LDB1: variants seen among roughly 807,000 people sequenced by gnomAD.
LDB1 encodes LIM domain binding 1, also known as LIM domain-binding protein 1.
Under a neutral mutation model 49.7 loss-of-function variants are expected in LDB1, and 6 were observed. That is an observed-to-expected ratio of 0.12 (90% CI 0.07 to 0.24). The LOEUF (loss-of-function observed/expected upper bound fraction) is 0.24, where lower values mean the gene tolerates loss of function less well. Among genes scored for constraint, LDB1 ranks in the 10% least tolerant of loss-of-function variants. The pLI is 1.00. For synonymous variants in LDB1, 233 were observed against 202.0 expected, an observed-to-expected ratio of 1.15 and a Z score of -1.30; for missense variants, 341 against 561.7, an observed-to-expected ratio of 0.61 and a Z score of 3.97.
chr10:102,114,545 T>C (rs971483597), intron 1 of LDB1: 19 of 985,266 alleles, frequency 1.9e-5, no homozygotes, highest in Non-Finnish European at 2.3e-5. Flanking sequence ...GACTGGGAGC[T>C]CCAGTCCGCC....
chr10:102,118,209 C>A lies in LDB1; in HGVS notation c.25+1877G>T, dbSNP rs558979259. Among the ~76,000 whole-genome samples, 20 of 152,276 alleles carry A rather than the reference C, an allele frequency of 1.3e-4. No homozygotes were observed. The South Asian group carries it at 4.1e-3, about 32-fold the overall frequency. The stretch of plus-strand genomic sequence containing the variant: ...TCTCTAACCTCAACTGCTACTATTC[C>A]CCACCTCCAGTCTACTCTGAAGCCC... On this transcript the variant is annotated intron_variant, in intron 1 of 10. Transcript: ENST00000673968.
At chr10:102,112,573 G>A (rs537560156) in intron 1 of LDB1, among the ~76,000 whole-genome samples, 14 of 152,132 alleles carry the variant, frequency 9.2e-5, no homozygotes, top group East Asian at 7.7e-4. Context: ...CCCCACTAAC[G>A]GCCACTCCCT....
chr10:102,114,811 AGCCC>A, intron 1 of LDB1: 58 of 882,278 alleles, frequency 6.6e-5, no homozygotes, highest in East Asian at 1.2e-4. Context: ...GCCTCCGAGC[AGCCC>A]GCCCGCCCTC....
At chr10:102,119,499 G>A (rs1319229657) in intron 1 of LDB1, among the ~76,000 whole-genome samples, 1 of 152,034 alleles carries the variant, frequency 6.6e-6, no homozygotes, top group Non-Finnish European at 1.5e-5. Flanking sequence ...GGAGATGCCA[G>A]ACCCAAGGGT....
rs1434019014 is a variant in LDB1, at chr10:102,109,005, A to G, written c.1005+24T>C. 1 of 1,614,184 alleles carries G rather than the reference A, an allele frequency of 6.2e-7. No individual in the cohort carries two copies. The highest frequency in any genetic ancestry group is 1.3e-5 in the African/African-American group (1 of 75,038). On this transcript the variant is annotated intron_variant, in intron 10 of 10. Coordinates refer to ENST00000673968, the MANE Select transcript of LDB1 (RefSeq NM_001113407.3). This position sits in a 1 kb window ranked among gnomAD's most constrained non-coding sequence, Gnocchi z 5.8. ...GGTGAGTGGTGGGGCAGCCCAGAAG[A>G]GAGAAGAAAGCCGAGATGCTTACAG...
chr10:102,111,140 G>A lies in LDB1; in HGVS notation c.178C>T (p.His60Tyr). ...TCAGTTTGGTTGCCATATGGTGTGT[G>A]CCTCCTGGAGGAAGTGAAGGAGAGA... ...PTYLEPGIGR[H>Y]TPYGNQTDYR... Residue 60 changes from histidine to tyrosine, a missense_variant, in exon 4 of 11, where the codon CAC (histidine) becomes TAC (tyrosine). Coordinates refer to ENST00000673968, the MANE Select transcript of LDB1 (RefSeq NM_001113407.3). 1 of 1,614,060 alleles carries A rather than the reference G, an allele frequency of 6.2e-7. No homozygotes were observed. Among genetic ancestry groups the A allele is most frequent in the South Asian group, 1.1e-5 (1 of 91,078 alleles).
intron 10 of LDB1, among the ~76,000 whole-genome samples, chr10:102,108,723 A>G (rs1282148355): frequency 6.6e-6 from 1 of 152,168 alleles, no homozygotes; most frequent in Non-Finnish European, 1.5e-5. Context: ...CTGCATGTCT[A>G]TCAGTGTGAG....
At chr10:102,121,065 G>T (rs1012077677), upstream of LDB1, among the ~76,000 whole-genome samples, 3 of 152,102 alleles carry the variant, frequency 2.0e-5, no homozygotes, top group African/African-American at 7.2e-5. Context: ...AAACCAGTTG[G>T]GACTAGAACT....
chr10:102,120,386 T>C (rs1431016551), upstream of LDB1: 8 of 983,678 alleles, frequency 8.1e-6, no homozygotes, highest in Non-Finnish European at 9.6e-6. Context: ...TGTGCGTGTG[T>C]GCGCGTGTGC....
intron 1 of LDB1, among the ~76,000 whole-genome samples, chr10:102,119,492 G>C (rs536802160): frequency 6.6e-6 from 1 of 152,190 alleles, no homozygotes; most frequent in Admixed American, 6.5e-5. Flanking sequence ...CTAGGGCGGA[G>C]ATGCCAGACC....
At position 102,107,544 on chromosome 10, in the gene LDB1, G is replaced by C. The variant is rs1397868841; in HGVS notation, c.*549C>G. ...GCTGGACTTTTAATAGGGGGAAGAG[G>C]GGGGGACATGAGTGATTTTTTTTTT... On this transcript the variant is annotated 3_prime_UTR_variant, in exon 11 of 11. Transcript: ENST00000673968. The C allele has an allele frequency of 1.3e-5, 2 of 153,780 alleles. No individual in the cohort carries two copies. Among genetic ancestry groups the C allele is most frequent in the African/African-American group, 2.4e-5 (1 of 41,370 alleles). 9.5% of individuals were successfully genotyped at this position (153,780 alleles called of 1,614,324 possible). A position where few individuals can be genotyped will look rare whatever the true frequency, so the allele number is the denominator to read the frequency against.
chr10:102,108,410 A>G, intron 10 of LDB1, 87 bp from the exon 11 acceptor site: 1 of 1,014,368 alleles, frequency 9.9e-7, no homozygotes, highest in Non-Finnish European at 1.5e-6. Flanking sequence ...CCCAGTACCC[A>G]CCCTGGAAGC....
At chr10:102,110,796 C>G in intron 5 of LDB1, 73 bp downstream of exon 5, 1 of 1,582,346 alleles carries the variant, frequency 6.3e-7, no homozygotes, top group Non-Finnish European at 8.7e-7. Context: ...CTGGCACTCC[C>G]AGACCCACTT....
rs762525625 is a variant in LDB1 at position 102,110,974 on chromosome 10, A to C, written c.250-3T>G. On this transcript the variant is annotated splice_polypyrimidine_tract_variant and splice_region_variant and intron_variant, in intron 4 of 10. Transcript: ENST00000673968. Reference sequence around the variant, plus strand: ...TCCCACCAGAGATTGTCACACTCCTAGGGAGCATGGTAACGGGTGTTCATG... The same window carrying C: ...TCCCACCAGAGATTGTCACACTCCTCGGGAGCATGGTAACGGGTGTTCATG... The C allele has an allele frequency of 5.0e-6, 8 of 1,613,646 alleles. No individual in the cohort carries two copies. The highest frequency in any genetic ancestry group is 6.8e-6 in the Non-Finnish European group (8 of 1,179,564).
intron 6 of LDB1, 145 bp from the exon 7 acceptor site, chr10:102,110,188 C>T (rs1465311132): frequency 1.1e-6 from 1 of 874,818 alleles, no homozygotes; most frequent in African/African-American, 1.7e-5. Context: ...ATAAATGTCA[C>T]AGTACCCCCC....
At chr10:102,114,812 G>GGGCGCCCCCCCC in intron 1 of LDB1, 4 of 929,818 alleles carry the variant, frequency 4.3e-6, no homozygotes, top group African/African-American at 1.8e-5. Context: ...CCTCCGAGCA[G>GGGCGCCCCCCCC]CCCGCCCGCC....
downstream of LDB1, among the ~76,000 whole-genome samples, chr10:102,105,879 A>G (rs2068154367): frequency 6.6e-6 from 1 of 151,856 alleles, no homozygotes; most frequent in African/African-American, 2.4e-5. Flanking sequence ...TGGAAGGCTG[A>G]GGCAGGAGAA....
chr10:102,109,752 C>G lies in LDB1; in HGVS notation c.649-69G>C, dbSNP rs574554774. 1.9e-6 allele frequency: 3 copies of G among 1,552,450 alleles called. No homozygotes were observed. The highest frequency in any genetic ancestry group is 2.2e-5 in the South Asian group (2 of 89,316). On this transcript the variant is annotated intron_variant, in intron 7 of 10. Coordinates refer to ENST00000673968, the MANE Select transcript of LDB1 (RefSeq NM_001113407.3). This position sits in a 1 kb window ranked among gnomAD's most constrained non-coding sequence, Gnocchi z 5.8. ...TGCCTCTGCTCACCTGCCCTATCAT[C>G]TGAGCATTGTGACACTCCTGAGAGA...
Position 102,109,636 on chromosome 10 carries a change from C to T in LDB1, c.696G>A (p.Arg232=). Residue 232 remains arginine, a synonymous_variant, in exon 8 of 11, where the codon CGG becomes CGA. Coordinates refer to ENST00000673968, the MANE Select transcript of LDB1 (RefSeq NM_001113407.3). This position sits in a 1 kb window ranked among gnomAD's most constrained non-coding sequence, Gnocchi z 5.8. ...TGAGAGTGGAATTGGACAGCCCACA[C>T]CGAGTGATGTTTTTGGAGAGCTGAT... The part of the protein sequence containing the change: ...MLDQLSKNIT[R]CGLSNSTLNY... 6.2e-7 allele frequency: 1 copy of T among 1,614,084 alleles called. No homozygotes were observed. The highest frequency in any genetic ancestry group is 1.6e-4 in the Middle Eastern group (1 of 6,062).
Sources: allele counts gnomAD v4.1 joint callset (sites outside exome capture counted in the v4.1 genomes callset), GRCh38; gene constraint gnomAD v4.1.1; non-coding constraint Gnocchi (gnomAD v3.1); transcripts MANE v1.5; gene names NCBI Gene and HGNC (gene_info 2026-07-23, HGNC 2026-07-21).